Variants in RTN3 observed in about 807,000 individuals in gnomAD.
The protein encoded by RTN3 is reticulon 3.
A neutral mutation model predicts 77.8 loss-of-function variants in RTN3; 49 were observed. That is an observed-to-expected ratio of 0.63 (90% CI 0.50 to 0.80). RTN3 has a LOEUF of 0.80. Among genes scored for constraint, RTN3 ranks in the 30% least tolerant of loss-of-function variants. The pLI is 0.00. For synonymous variants in RTN3, 464 were observed against 446.9 expected (o/e 1.04, Z -0.48); for missense variants, 1,236 against 1,211.9 (o/e 1.02, Z -0.29).
intron 3 of RTN3, among the ~76,000 whole-genome samples, chr11:63,728,868 CAG>C (rs1375621815): frequency 3.0e-5 from 4 of 134,730 alleles, no homozygotes; most frequent in Non-Finnish European, 6.1e-5. Flanking sequence ...GCCTGGGCGA[CAG>C]AGCGAGACTC....
In RTN3 at chr11:63,720,856, G is replaced by A; in HGVS notation, c.2354G>A (p.Trp785Ter). 6.2e-7 allele frequency: 1 copy of A among 1,613,946 alleles called. No individual in the cohort carries two copies. The highest frequency in any genetic ancestry group is 1.1e-5 in the South Asian group (1 of 91,080). The change falls in exon 3 of 9, where the codon TGG (tryptophan) becomes TAG (stop). Residue 785 changes from tryptophan to a stop codon, truncating the protein, a stop_gained. Transcript: ENST00000377819. LOFTEE classifies it high-confidence loss of function. ...KQTFTFAPES[W>*]PQRSYDILER... is the part of the protein sequence containing the mutation. ...ACTTTCACATTTGCTCCAGAATCTT[G>A]GCCACAGAGATCATATGACATCCTA...
At chr11:63,722,482 C>A (rs190634349) in intron 3 of RTN3, among the ~76,000 whole-genome samples, 1 of 152,262 alleles carries the variant, frequency 6.6e-6, no homozygotes, top group East Asian at 1.9e-4. Context: ...GTGCCTAGCA[C>A]ATAGTAAATA....
rs561206666 is a variant in RTN3, at chr11:63,687,939, C to T, written c.142+6161C>T. Among the ~76,000 whole-genome samples, 6 of 152,188 alleles carry T rather than the reference C, an allele frequency of 3.9e-5. No individual in the cohort carries two copies. The South Asian group carries it at 1.0e-3, about 26-fold the overall frequency. On this transcript the variant is annotated intron_variant, in intron 1 of 8. Transcript: ENST00000377819. ...GAGTCAGTTGTTTCAGTTTGTGGCC[C>T]TTCACATTAATGTCATAAAGCTGCC...
intron 1 of RTN3, among the ~76,000 whole-genome samples, chr11:63,699,756 A>G (rs941469340): frequency 1.3e-5 from 2 of 152,164 alleles, no homozygotes; most frequent in Admixed American, 1.3e-4. Flanking sequence ...AAACATTCTT[A>G]ATTTACCATA....
At chr11:63,685,310 C>T (rs1941306644) in intron 1 of RTN3, among the ~76,000 whole-genome samples, 2 of 151,498 alleles carry the variant, frequency 1.3e-5, no homozygotes, top group Admixed American at 1.3e-4. Context: ...GCCTGAACAA[C>T]ATGGTGGAAC....
chr11:63,729,439 T>TG (rs2012522606), intron 3 of RTN3, among the ~76,000 whole-genome samples: 5 of 117,120 alleles, frequency 4.3e-5, no homozygotes, highest in African/African-American at 1.7e-4. Flanking sequence ...GTTTCTGCTT[T>TG]TTTTTTTTTT....
Position 63,720,800 on chromosome 11 carries a change from A to C in RTN3, c.2298A>C (p.Ala766=). 1.2e-6 allele frequency: 2 copies of C among 1,614,064 alleles called. No individual in the cohort carries two copies. The highest frequency in any genetic ancestry group is 1.7e-6 in the Non-Finnish European group (2 of 1,180,026). Residue 766 remains alanine (A), a synonymous_variant, in exon 3 of 9, where the codon GCA becomes GCC. Transcript: ENST00000377819. ...AGTCAACTTCTGCACAGCGTGACGC[A>C]GAATTGCCTTCTGAAGAAGTACTGA... is the stretch of plus-strand genomic sequence containing the variant. The part of the protein sequence containing the change: ...VEKSTSAQRD[A]ELPSEEVLKQ...
At chr11:63,691,243 C>T (rs1363153467) in intron 1 of RTN3, among the ~76,000 whole-genome samples, 1 of 151,152 alleles carries the variant, frequency 6.6e-6, no homozygotes, top group Non-Finnish European at 1.5e-5. Flanking sequence ...GCTTCAGCCT[C>T]CCAAGTAGCT....
At chr11:63,682,845 A>T (rs897650973) in intron 1 of RTN3, among the ~76,000 whole-genome samples, 6 of 152,176 alleles carry the variant, frequency 3.9e-5, no homozygotes, top group Non-Finnish European at 7.3e-5. Flanking sequence ...AAGGGGGGAA[A>T]AAAAAACCAC....
intron 6 of RTN3, 58 bp from the exon 7 acceptor site, chr11:63,753,604 C>T (rs2014213638): frequency 2.1e-6 from 3 of 1,458,282 alleles, no homozygotes; most frequent in Non-Finnish European, 2.9e-6. Flanking sequence ...TACTCTGAGT[C>T]TTAAGATGTG....
intron 3 of RTN3, among the ~76,000 whole-genome samples, chr11:63,748,644 C>G (rs1046395186): frequency 1.3e-5 from 2 of 148,586 alleles, no homozygotes; most frequent in Admixed American, 1.3e-4. Context: ...GCCCCTGCAC[C>G]CTGCCAGCCC....
rs1941030710 is a variant in RTN3 at position 63,681,506 on chromosome 11, T to C, written c.-131T>C. 3.2e-6 allele frequency: 3 copies of C among 951,956 alleles called. No individual in the cohort carries two copies. The East Asian group carries it at 9.1e-5, about 29-fold the overall frequency. 59.0% of individuals were successfully genotyped at this position (951,956 alleles called of 1,614,324 possible). Reference sequence around the variant, plus strand: ...GCGCTCGGCTGAGTCAGTCAGTCTGTCGGAGTCTGTCCTCGGAGCAGGCGG... The same window carrying C: ...GCGCTCGGCTGAGTCAGTCAGTCTGCCGGAGTCTGTCCTCGGAGCAGGCGG... On this transcript the variant is annotated 5_prime_UTR_variant, in exon 1 of 9. Transcript: ENST00000377819.
intron 1 of RTN3, among the ~76,000 whole-genome samples, chr11:63,697,990 A>AC (rs1396479267): frequency 6.6e-6 from 1 of 151,202 alleles, no homozygotes; most frequent in East Asian, 1.9e-4. Flanking sequence ...TCCCTTTATC[A>AC]CCCGTATTTC....
intron 1 of RTN3, among the ~76,000 whole-genome samples, chr11:63,683,943 CTTTTTTTT>C (rs35837590): frequency 5.1e-5 from 3 of 58,944 alleles, no homozygotes; most frequent in Admixed American, 3.4e-4. Context: ...TCTTTTCTTT[CTTTTTTTT>C]TTTTTTTTTT....
intron 4 of RTN3, among the ~76,000 whole-genome samples, chr11:63,751,374 G>A (rs762590251): frequency 1.6e-4 from 24 of 152,156 alleles, no homozygotes; most frequent in Non-Finnish European, 3.2e-4. Context: ...TCTCTTACTA[G>A]TTTTCTTAAC....
intron 1 of RTN3, among the ~76,000 whole-genome samples, chr11:63,683,657 A>G (rs1380494842): frequency 1.3e-5 from 2 of 152,210 alleles, no homozygotes; most frequent in African/African-American, 4.8e-5. Flanking sequence ...CCACAACCTA[A>G]TTGGCACCTA....
chr11:63,753,871 C>T (rs2014229059), intron 7 of RTN3, among the ~76,000 whole-genome samples, 163 bp downstream of exon 7: 1 of 152,168 alleles, frequency 6.6e-6, no homozygotes, highest in South Asian at 2.1e-4. Context: ...GTAGTTTCCT[C>T]CAAGGAGAGA....
chr11:63,753,662 C>G lies in RTN3; in HGVS notation c.2948C>G (p.Ala983Gly). The G allele has an allele frequency of 6.2e-7, 1 of 1,613,524 alleles. No homozygotes were observed. ...CATGTCCCATGATTCTGTCTTACAG[C>G]TGAACTGCTCATTTTCAGTGTCCCG... ...VFNGITLLIL[A>G]ELLIFSVPIV... Residue 983 changes from alanine to glycine, a missense_variant and splice_region_variant, in exon 7 of 9, where the codon GCT becomes GGT. Coordinates refer to ENST00000377819, the MANE Select transcript of RTN3 (RefSeq NM_001265589.2).
Position 63,749,931 on chromosome 11 carries a change from A to G in RTN3, c.2531-60A>G. 6 of 1,228,434 alleles carry G rather than the reference A, an allele frequency of 4.9e-6. No homozygotes were observed. In the Admixed American group the frequency reaches 5.5e-5, roughly 11 times the overall value. The allele number at this position is 1,228,434 out of a possible 1,614,324, so 76.1% of individuals were successfully genotyped here. On this transcript the variant is annotated intron_variant, in intron 3 of 8. Coordinates refer to ENST00000377819, the MANE Select transcript of RTN3 (RefSeq NM_001265589.2). ...TGTGCTAATGTGAGGCTCCACAGGT[A>G]TGCAAGACATAGTAGCTGTGGATGT...
Sources: allele counts gnomAD v4.1 joint callset (sites outside exome capture counted in the v4.1 genomes callset), GRCh38; gene constraint gnomAD v4.1.1; transcripts MANE v1.5; gene names NCBI Gene and HGNC (gene_info 2026-07-23, HGNC 2026-07-21).